SLC38A12: variants seen among roughly 807,000 people sequenced by gnomAD.
SLC38A12 encodes putative sodium-coupled neutral amino acid transporter 12.
chr17:74,838,396 C>G, the SLC38A12 span: 1 of 1,000,630 alleles, frequency 1.0e-6, no homozygotes, highest in East Asian at 1.0e-4. Context: ...CTCAAAACAT[C>G]TGGAACTACC....
the SLC38A12 span, among the ~76,000 whole-genome samples, chr17:74,812,601 C>T: frequency 6.6e-6 from 1 of 151,806 alleles, no homozygotes; most frequent in African/African-American, 2.4e-5. Flanking sequence ...TCTTTTATCG[C>T]TTGAAATAAC....
chr17:74,790,972 C>A, the SLC38A12 span: 1 of 1,614,060 alleles, frequency 6.2e-7, no homozygotes, highest in Non-Finnish European at 8.5e-7. Context: ...GTGGATCTCC[C>A]AACCCGTTTG....
chr17:74,802,436 G>C, the SLC38A12 span, among the ~76,000 whole-genome samples: 8 of 152,170 alleles, frequency 5.3e-5, no homozygotes, highest in East Asian at 5.8e-4. Context: ...CAGCTCGGAA[G>C]CTGCTCATGG....
At chr17:74,830,256 G>A in the SLC38A12 span, among the ~76,000 whole-genome samples, 7 of 152,346 alleles carry the variant, frequency 4.6e-5, no homozygotes, top group East Asian at 1.9e-4. Context: ...CAGGCCCCCA[G>A]GGTGAGGTTC....
chr17:74,795,395 C>G, the SLC38A12 span: 3 of 776,304 alleles, frequency 3.9e-6, no homozygotes, highest in Non-Finnish European at 6.3e-6. Flanking sequence ...AGAGATGCAT[C>G]CCGCAAAGTG....
At chr17:74,782,798 C>T in the SLC38A12 span, among the ~76,000 whole-genome samples, 1 of 152,154 alleles carries the variant, frequency 6.6e-6, no homozygotes, top group Non-Finnish European at 1.5e-5. Flanking sequence ...ATGATTCAAA[C>T]TTGTTTTCAT....
At chr17:74,793,877 C>G in the SLC38A12 span, among the ~76,000 whole-genome samples, 22 of 152,266 alleles carry the variant, frequency 1.4e-4, no homozygotes, top group Admixed American at 5.9e-4. Context: ...CTTTTCCCCC[C>G]CAGGCTCCTA....
chr17:74,834,910 A>G, the SLC38A12 span, among the ~76,000 whole-genome samples: 1 of 152,214 alleles, frequency 6.6e-6, no homozygotes, highest in South Asian at 2.1e-4. Flanking sequence ...GGAGAGCAGA[A>G]GCGGGAGACA....
At chr17:74,838,529 G>T in the SLC38A12 span, 1 of 1,076,802 alleles carries the variant, frequency 9.3e-7, no homozygotes, top group Non-Finnish European at 1.1e-6. Context: ...GTTGATTTAT[G>T]TGACAGTCTG....
chr17:74,810,841 T>C, the SLC38A12 span, among the ~76,000 whole-genome samples: 1 of 152,266 alleles, frequency 6.6e-6, no homozygotes, highest in Non-Finnish European at 1.5e-5. Context: ...GCAAATAAGC[T>C]GTGACAGTGG....
the SLC38A12 span, chr17:74,838,751 G>A: frequency 1.4e-6 from 2 of 1,462,786 alleles, no homozygotes; most frequent in South Asian, 1.4e-5. Flanking sequence ...TGGGGCTTGG[G>A]GCCAGGGGCA....
At chr17:74,819,688 C>A in the SLC38A12 span, 1 of 1,515,290 alleles carries the variant, frequency 6.6e-7, no homozygotes, top group South Asian at 1.1e-5. Flanking sequence ...GCAGCGTCTT[C>A]CGTGTGCAGA....
the SLC38A12 span, chr17:74,837,264 A>T: frequency 2.0e-6 from 2 of 985,574 alleles, no homozygotes; most frequent in Non-Finnish European, 2.4e-6. Context: ...GGCTGGCCCC[A>T]TGACAAGAAC....
At chr17:74,824,901 G>A in the SLC38A12 span, among the ~76,000 whole-genome samples, 3 of 152,150 alleles carry the variant, frequency 2.0e-5, no homozygotes, top group Admixed American at 2.0e-4. Flanking sequence ...GGTGGCAGGT[G>A]AGGCCCCCAA....
chr17:74,821,216 G>A, the SLC38A12 span, among the ~76,000 whole-genome samples: 1 of 152,244 alleles, frequency 6.6e-6, no homozygotes, highest in Non-Finnish European at 1.5e-5. Context: ...GCAAGGAGAT[G>A]AGAGCAGGAT....
At chr17:74,826,946 G>A in the SLC38A12 span, among the ~76,000 whole-genome samples, 5 of 152,106 alleles carry the variant, frequency 3.3e-5, no homozygotes, top group African/African-American at 1.2e-4. Flanking sequence ...GCCTGTTGGG[G>A]TCCTACTTGC....
At chr17:74,809,628 A>G in the SLC38A12 span, among the ~76,000 whole-genome samples, 2 of 152,228 alleles carry the variant, frequency 1.3e-5, no homozygotes, top group Admixed American at 1.3e-4. Flanking sequence ...CCTCTTTCCC[A>G]GCCACAGGCT....
At chr17:74,811,058 C>A in the SLC38A12 span, among the ~76,000 whole-genome samples, 2 of 152,156 alleles carry the variant, frequency 1.3e-5, no homozygotes, top group African/African-American at 4.8e-5. Context: ...GGCTGGGCAC[C>A]GTGGCTTACG....
At chr17:74,816,497 C>T in the SLC38A12 span, among the ~76,000 whole-genome samples, 1 of 152,160 alleles carries the variant, frequency 6.6e-6, no homozygotes, top group African/African-American at 2.4e-5. Flanking sequence ...ATGTTAGCCT[C>T]CTTGTCTCCA....
Sources: allele counts gnomAD v4.1 joint callset (sites outside exome capture counted in the v4.1 genomes callset), GRCh38; gene constraint gnomAD v4.1.1; transcripts MANE v1.5; gene names NCBI Gene and HGNC (gene_info 2026-07-23, HGNC 2026-07-21).